The following CACNA2D2 variants were observed in gnomAD, a reference collection of about 807,000 sequenced individuals.
CACNA2D2 encodes voltage-dependent calcium channel subunit alpha-2/delta-2.
CACNA2D2 carries 48 observed loss-of-function variants against 166.4 expected under a neutral mutation model. The observed-to-expected ratio is 0.29, with a 90% CI of 0.23 to 0.37. The LOEUF is 0.37. CACNA2D2 is among the 10% of genes least tolerant of loss of function. The pLI, the probability that CACNA2D2 is intolerant of heterozygous loss-of-function variation, is 1.00. For synonymous variants in CACNA2D2, 561 were observed against 573.7 expected, an observed-to-expected ratio of 0.98 and a Z score of 0.32; for missense variants, 1,122 against 1,433.0, an observed-to-expected ratio of 0.78 and a Z score of 3.50.
intron 2 of CACNA2D2, among the ~76,000 whole-genome samples, chr3:50,449,217 G>C (rs1364492657): frequency 1.3e-5 from 2 of 152,316 alleles, no homozygotes; most frequent in East Asian, 1.9e-4. Context: ...CTCAGCCTCG[G>C]AGCAAGATGG....
chr3:50,411,247 C>A (rs948393064), intron 3 of CACNA2D2, among the ~76,000 whole-genome samples: 1 of 152,232 alleles, frequency 6.6e-6, no homozygotes, highest in African/African-American at 2.4e-5. Context: ...AGCCCTCACA[C>A]CAGCCTGTGA....
Position 50,366,692 on chromosome 3 carries a change from C to T in CACNA2D2, c.2590-67G>A, listed in dbSNP as rs1704315457. 6 of 1,596,276 alleles carry T rather than the reference C, an allele frequency of 3.8e-6. No homozygotes were observed. Among genetic ancestry groups the T allele is most frequent in the Non-Finnish European group, 4.3e-6 (5 of 1,164,886 alleles). On this transcript the variant is annotated intron_variant, in intron 29 of 37. Coordinates refer to ENST00000424201, the MANE Select transcript of CACNA2D2 (RefSeq NM_006030.4). The surrounding 1 kb of genome is among the most constrained non-coding windows in gnomAD (Gnocchi z 5.9). ...TTCCTCCCTCCCATCACCTTTCATA[C>T]ATCCGGTTCCCCAGGCCATCTGCAG...
chr3:50,390,517 C>T (rs1234658817), intron 4 of CACNA2D2, among the ~76,000 whole-genome samples: 1 of 152,094 alleles, frequency 6.6e-6, no homozygotes, highest in Non-Finnish European at 1.5e-5. Context: ...GTGGAAGAGT[C>T]CCGGGTGGAG....
At chr3:50,412,002 G>C (rs1169789503) in intron 3 of CACNA2D2, among the ~76,000 whole-genome samples, 1 of 152,168 alleles carries the variant, frequency 6.6e-6, no homozygotes, top group Non-Finnish European at 1.5e-5. Flanking sequence ...AAGCCACGCT[G>C]GGCTTCTCCT....
chr3:50,454,367 C>T (rs970979684), intron 2 of CACNA2D2, among the ~76,000 whole-genome samples: 8 of 152,188 alleles, frequency 5.3e-5, no homozygotes, highest in Admixed American at 2.0e-4. Flanking sequence ...GCAGAGGACG[C>T]GCACCCTCCC....
In CACNA2D2 at chr3:50,367,921, G is replaced by T; in HGVS notation, c.2144-19C>A. The T allele has an allele frequency of 5.6e-6, 8 of 1,441,392 alleles. No homozygotes were observed. Among genetic ancestry groups the T allele is most frequent in the Non-Finnish European group, 7.7e-6 (8 of 1,034,288 alleles). 89.3% of individuals were successfully genotyped at this position (1,441,392 alleles called of 1,614,324 possible). On this transcript the variant is annotated intron_variant, in intron 24 of 37. Transcript: ENST00000424201. The surrounding 1 kb of genome is among the most constrained non-coding windows in gnomAD (Gnocchi z 6.5). ...TTGTTGCCTGGAACAGGAGGGGAGG[G>T]GTGGGGGTGGGGGCATCTTCTTGCA...
intron 5 of CACNA2D2, among the ~76,000 whole-genome samples, chr3:50,385,263 A>C (rs1207557433): frequency 2.0e-5 from 3 of 152,230 alleles, no homozygotes; most frequent in Admixed American, 1.3e-4. Context: ...GGAAAGAAGG[A>C]GGCTAAGGGT....
At position 50,476,141 on chromosome 3, in the gene CACNA2D2, CA is replaced by C; in HGVS notation, c.264del (p.Phe88LeufsTer47). 1.9e-6 allele frequency: 3 copies of C among 1,602,818 alleles called. No homozygotes were observed. The highest frequency in any genetic ancestry group is 2.2e-5 in the East Asian group (1 of 44,488). On this transcript the variant is annotated frameshift_variant, in exon 2 of 38. Coordinates refer to ENST00000424201, the MANE Select transcript of CACNA2D2 (RefSeq NM_006030.4). LOFTEE classifies it high-confidence loss of function. ...EQEVDGVMRI[F>X]GGVQQLREIY... is the part of the protein sequence containing the mutation. ...ACCTCACGGAGCTGCTGGACGCCTC[CA>C]AAAATCCGCATCACGCCGTCGACCT...
At chr3:50,397,804 C>T (rs1575626547) in intron 3 of CACNA2D2, among the ~76,000 whole-genome samples, 1 of 152,312 alleles carries the variant, frequency 6.6e-6, no homozygotes, top group East Asian at 1.9e-4. Flanking sequence ...CTTCCTTTTG[C>T]CTTTAACCAG....
chr3:50,380,983 G>A lies in CACNA2D2; in HGVS notation c.784+12C>T. 3 of 1,613,658 alleles carry A rather than the reference G, an allele frequency of 1.9e-6. 1 individual carries two copies. Among genetic ancestry groups the A allele is most frequent in the South Asian group, 2.2e-5 (2 of 91,064 alleles). ...GGTGCTGGGTAGACAGGGGACAGGG[G>A]CTGGTACCTACCCGGGTAGTAGCGA... On this transcript the variant is annotated intron_variant, in intron 7 of 37. Transcript: ENST00000424201. The surrounding 1 kb of genome is among the most constrained non-coding windows in gnomAD (Gnocchi z 4.9).
Position 50,367,578 on chromosome 3 carries a change from T to C in CACNA2D2, c.2297+64A>G. On this transcript the variant is annotated intron_variant, in intron 26 of 37. Transcript: ENST00000424201. The surrounding 1 kb of genome is among the most constrained non-coding windows in gnomAD (Gnocchi z 6.5). ...GTCTCCACAGATGCAAGGAGGCCTC[T>C]GGGCAGAACAGATGCAGGTTCCCTG... 1 of 1,603,624 alleles carries C rather than the reference T, an allele frequency of 6.2e-7. No homozygotes were observed. The highest frequency in any genetic ancestry group is 8.5e-7 in the Non-Finnish European group (1 of 1,173,040).
At chr3:50,413,079 C>T (rs1707098333) in intron 3 of CACNA2D2, among the ~76,000 whole-genome samples, 1 of 152,194 alleles carries the variant, frequency 6.6e-6, no homozygotes, top group Non-Finnish European at 1.5e-5. Flanking sequence ...GCTAGGGCCC[C>T]AGGGGATCAG....
intron 4 of CACNA2D2, among the ~76,000 whole-genome samples, chr3:50,390,480 C>T (rs1705830776): frequency 6.6e-6 from 1 of 152,222 alleles, no homozygotes; most frequent in Admixed American, 6.5e-5. Flanking sequence ...GTCTTTGCAA[C>T]TCCACAGCCC....
rs751529410 is a variant in CACNA2D2, at chr3:50,364,869, C to T, written c.3291+19G>A. 1 of 1,613,350 alleles carries T rather than the reference C, an allele frequency of 6.2e-7. No homozygotes were observed. Among genetic ancestry groups the T allele is most frequent in the East Asian group, 2.2e-5 (1 of 44,866 alleles). On this transcript the variant is annotated intron_variant, in intron 37 of 37. Coordinates refer to ENST00000424201, the MANE Select transcript of CACNA2D2 (RefSeq NM_006030.4). ...GCGCAAGGCCGCGGGATTTCGGGTC[C>T]ACCGCCCCCTCTCCTCACTGTCGCG...
At chr3:50,430,065 TC>T (rs1487446899) in intron 3 of CACNA2D2, among the ~76,000 whole-genome samples, 1 of 152,172 alleles carries the variant, frequency 6.6e-6, no homozygotes, top group Non-Finnish European at 1.5e-5. Context: ...GGCTGGTGTC[TC>T]CAGGTGCTAG....
At chr3:50,410,799 TGAG>T (rs1286829869) in intron 3 of CACNA2D2, among the ~76,000 whole-genome samples, 3 of 152,138 alleles carry the variant, frequency 2.0e-5, no homozygotes, top group Admixed American at 1.3e-4. Context: ...TGGGAGTGGG[TGAG>T]GAGGTTTCTT....
chr3:50,383,949 C>G (rs587674690), intron 6 of CACNA2D2, among the ~76,000 whole-genome samples: 2 of 152,220 alleles, frequency 1.3e-5, no homozygotes, highest in African/African-American at 2.4e-5. Flanking sequence ...GGCAGGAGAC[C>G]ATGCATGCAC....
At position 50,364,810 on chromosome 3, in the gene CACNA2D2, C is replaced by T. The variant is rs373497307; in HGVS notation, c.3292-4G>A. 8.1e-6 allele frequency: 13 copies of T among 1,612,102 alleles called. No individual in the cohort carries two copies. Among genetic ancestry groups the T allele is most frequent in the African/African-American group, 1.3e-5 (1 of 74,998 alleles). ...GGCCACAGTCTGAGGTATCTTCCTG[C>T]GGGGAGAGACAAGGAGCTGGTCGGC... On this transcript the variant is annotated splice_polypyrimidine_tract_variant and splice_region_variant and intron_variant, in intron 37 of 37. Transcript: ENST00000424201.
rs961897508 is a variant in CACNA2D2, at chr3:50,393,978, C to T, written c.465+131G>A. ...TGGAGTAATTGCTGAATGTTGGACA[C>T]CGGCTTCTGGCTCTACTCCACAGAC... is the stretch of plus-strand genomic sequence containing the variant. On this transcript the variant is annotated intron_variant, in intron 4 of 37. Transcript: ENST00000424201. The T allele has an allele frequency of 7.9e-5, 59 of 745,188 alleles. No homozygotes were observed. The East Asian group carries it at 1.1e-3, about 14-fold the overall frequency. 46.2% of individuals were successfully genotyped at this position (745,188 alleles called of 1,614,324 possible). A position where few individuals can be genotyped will look rare whatever the true frequency, so the allele number is the denominator to read the frequency against.
Sources: allele counts gnomAD v4.1 joint callset (sites outside exome capture counted in the v4.1 genomes callset), GRCh38; gene constraint gnomAD v4.1.1; non-coding constraint Gnocchi (gnomAD v3.1); transcripts MANE v1.5; gene names NCBI Gene and HGNC (gene_info 2026-07-23, HGNC 2026-07-21).